Variants in STXBP5 observed in about 807,000 individuals in gnomAD.
STXBP5 encodes syntaxin-binding protein 5.
In STXBP5, 50 loss-of-function variants were observed where a neutral mutation model predicts 152.4. The observed-to-expected ratio is 0.33, with a 90% CI of 0.26 to 0.42. The LOEUF (loss-of-function observed/expected upper bound fraction) is 0.42. STXBP5 is among the 10% of genes least tolerant of loss of function. The probability of loss-of-function intolerance (pLI) is 1.00; values close to 1 mark genes in which losing one functional copy is unlikely to be tolerated. For missense variants in STXBP5, 1,167 were observed against 1,388.6 expected, an observed-to-expected ratio of 0.84 and a Z score of 2.54; for synonymous variants, 492 against 494.7, an observed-to-expected ratio of 0.99 and a Z score of 0.07.
chr6:147,343,680 A>G (rs1206049724), intron 21 of STXBP5, among the ~76,000 whole-genome samples: 1 of 152,144 alleles, frequency 6.6e-6, no homozygotes, highest in African/African-American at 2.4e-5. Flanking sequence ...ATTCTTTTGT[A>G]TCTACAAGTT....
intron 2 of STXBP5, among the ~76,000 whole-genome samples, chr6:147,233,815 A>G (rs1199467082): frequency 1.3e-5 from 2 of 150,874 alleles, no homozygotes; most frequent in African/African-American, 4.9e-5. Flanking sequence ...CAACTGGTAT[A>G]GCAAAAATAC....
chr6:147,234,757 CATT>C (rs1281177456), intron 2 of STXBP5, among the ~76,000 whole-genome samples: 1 of 151,842 alleles, frequency 6.6e-6, no homozygotes, highest in African/African-American at 2.4e-5. Flanking sequence ...TGTGGTTCTT[CATT>C]ATATTTTTAG....
chr6:147,218,559 C>T (rs1181963975), intron 2 of STXBP5, among the ~76,000 whole-genome samples: 1 of 152,064 alleles, frequency 6.6e-6, no homozygotes, highest in Non-Finnish European at 1.5e-5. Flanking sequence ...CAGCTCACTG[C>T]AGCCTCGATC....
At chr6:147,378,302 G>T (rs1785909244) in intron 26 of STXBP5, among the ~76,000 whole-genome samples, 1 of 150,552 alleles carries the variant, frequency 6.6e-6, no homozygotes, top group African/African-American at 2.4e-5. Flanking sequence ...ATCATTTATA[G>T]ATAGAAAATC....
chr6:147,382,035 G>A (rs138165840), intron 26 of STXBP5, among the ~76,000 whole-genome samples: 122 of 152,220 alleles, frequency 8.0e-4, no homozygotes, highest in African/African-American at 2.8e-3. Flanking sequence ...TGTGGTATAC[G>A]AGTTATATTT....
At chr6:147,239,849 C>T (rs571368299) in intron 4 of STXBP5, among the ~76,000 whole-genome samples, 2 of 152,110 alleles carry the variant, frequency 1.3e-5, no homozygotes, top group East Asian at 3.9e-4. Flanking sequence ...ATAGAAATCT[C>T]TTCTAATATG....
At chr6:147,285,249 C>G (rs7763489) in intron 8 of STXBP5, among the ~76,000 whole-genome samples, 3,351 of 152,220 alleles carry the variant, frequency 0.022, 129 homozygotes, top group African/African-American at 0.077. Flanking sequence ...TTTTGTTCCT[C>G]TGGTGGCATA....
At chr6:147,334,482 T>A (rs916005818) in intron 19 of STXBP5, among the ~76,000 whole-genome samples, 4 of 152,152 alleles carry the variant, frequency 2.6e-5, no homozygotes, top group Non-Finnish European at 5.9e-5. Context: ...TATTTACACC[T>A]TTTTTAGAGA....
chr6:147,366,078 T>A (rs1785275602), intron 25 of STXBP5, among the ~76,000 whole-genome samples: 1 of 152,180 alleles, frequency 6.6e-6, no homozygotes, highest in Non-Finnish European at 1.5e-5. Context: ...GCGAAGGTAC[T>A]AAGTTAAAGC....
chr6:147,276,434 T>C (rs1780446002), intron 7 of STXBP5, among the ~76,000 whole-genome samples: 1 of 152,060 alleles, frequency 6.6e-6, no homozygotes, highest in South Asian at 2.1e-4. Context: ...ATTTTATAAA[T>C]AGGAGTCACT....
chr6:147,281,468 T>G (rs1378021584), intron 8 of STXBP5, among the ~76,000 whole-genome samples: 1 of 152,264 alleles, frequency 6.6e-6, no homozygotes, highest in African/African-American at 2.4e-5. Flanking sequence ...TTTCATTATA[T>G]TAACTGTTTC....
chr6:147,304,284 C>T (rs1336219561), intron 9 of STXBP5, among the ~76,000 whole-genome samples: 1 of 152,184 alleles, frequency 6.6e-6, no homozygotes, highest in Non-Finnish European at 1.5e-5. Flanking sequence ...AAGGGGTCAA[C>T]ATAGAGCTCA....
chr6:147,382,748 G>A (rs1423356039), intron 26 of STXBP5, 30 bp from the exon 27 acceptor site: 2 of 1,603,262 alleles, frequency 1.2e-6, no homozygotes, highest in Non-Finnish European at 1.7e-6. Context: ...CATGTTTTGA[G>A]TTACTCTTTG....
At chr6:147,285,769 G>A (rs528062839) in intron 8 of STXBP5, among the ~76,000 whole-genome samples, 6 of 152,218 alleles carry the variant, frequency 3.9e-5, no homozygotes, top group East Asian at 3.9e-4. Context: ...GCTTGGAAGC[G>A]TTTAGCAAAT....
In STXBP5 at chr6:147,259,974, C is replaced by T. The variant is rs574902554; in HGVS notation, c.432-641C>T. On this transcript the variant is annotated intron_variant, in intron 4 of 27. Transcript: ENST00000321680. ...ATGAAGGCCTGCCATATCATCAGAA[C>T]ATAGGAAGAAATAGTTCAAATATAT... 4.6e-5 allele frequency among the ~76,000 whole-genome samples: 7 copies of T among 152,164 alleles called. 1 individual carries two copies. The South Asian group carries it at 1.5e-3, about 32-fold the overall frequency.
intron 2 of STXBP5, among the ~76,000 whole-genome samples, chr6:147,234,676 C>T (rs1445507830): frequency 1.4e-4 from 22 of 151,746 alleles, no homozygotes; most frequent in Admixed American, 1.4e-3. Flanking sequence ...AATCAGTATC[C>T]ATGCCTGTAG....
intron 8 of STXBP5, among the ~76,000 whole-genome samples, chr6:147,288,667 T>C (rs1157404052): frequency 1.3e-5 from 2 of 152,188 alleles, no homozygotes; most frequent in Non-Finnish European, 2.9e-5. Context: ...TGTATGGGTC[T>C]GCAGTAACCT....
rs561370768 is a variant in STXBP5 at position 147,323,471 on chromosome 6, A to C, written c.1803-1488A>C. On this transcript the variant is annotated intron_variant, in intron 16 of 27. Coordinates refer to ENST00000321680, the MANE Select transcript of STXBP5 (RefSeq NM_001127715.4). ...CAGTGGTGCCATCTCAGCCCACTGC[A>C]ACCGCTGCCTCCCAGGTTCAGGCGA... Among the ~76,000 whole-genome samples, 30 of 151,866 alleles carry C rather than the reference A, an allele frequency of 2.0e-4. No homozygotes were observed. In the South Asian group the frequency reaches 5.6e-3, roughly 28 times the overall value.
At chr6:147,383,293 T>C (rs1190792823) in intron 27 of STXBP5, among the ~76,000 whole-genome samples, 1 of 152,128 alleles carries the variant, frequency 6.6e-6, no homozygotes, top group Non-Finnish European at 1.5e-5. Flanking sequence ...GATACCAATG[T>C]TAATTTTTCT....
Sources: allele counts gnomAD v4.1 joint callset (sites outside exome capture counted in the v4.1 genomes callset), GRCh38; gene constraint gnomAD v4.1.1; transcripts MANE v1.5; gene names NCBI Gene and HGNC (gene_info 2026-07-23, HGNC 2026-07-21).